The following ROCK1 variants were observed in gnomAD, a reference collection of about 807,000 sequenced individuals.
ROCK1 encodes rho-associated protein kinase 1.
Under a neutral mutation model 196.8 loss-of-function variants are expected in ROCK1, and 36 were observed. The observed-to-expected ratio is 0.18, with a 90% CI of 0.14 to 0.24. The LOEUF (loss-of-function observed/expected upper bound fraction) is 0.24. Among genes scored for constraint, ROCK1 ranks in the 10% least tolerant of loss-of-function variants. The probability of loss-of-function intolerance (pLI) is 1.00; values close to 1 mark genes in which losing one functional copy is unlikely to be tolerated. For missense variants in ROCK1, 920 were observed against 1,562.0 expected, an observed-to-expected ratio of 0.59 and a Z score of 6.93; for synonymous variants, 443 against 515.9, an observed-to-expected ratio of 0.86 and a Z score of 1.91.
intron 8 of ROCK1, 96 bp from the exon 9 acceptor site, chr18:21,039,659 GGAC>G: frequency 1.2e-6 from 1 of 812,252 alleles, no homozygotes; most frequent in South Asian, 1.5e-5. Context: ...AATCAGTGTA[GGAC>G]GACAAATATA....
intron 16 of ROCK1, among the ~76,000 whole-genome samples, chr18:20,995,549 G>A (rs1362679667): frequency 6.6e-6 from 1 of 152,136 alleles, no homozygotes; most frequent in East Asian, 1.9e-4. Flanking sequence ...CTGGGCCAGA[G>A]AGGAGCCCAC....
At chr18:21,047,721 G>C (rs775969572) in intron 4 of ROCK1, among the ~76,000 whole-genome samples, 7 of 152,004 alleles carry the variant, frequency 4.6e-5, no homozygotes, top group Non-Finnish European at 8.8e-5. Context: ...GTGAACTCAG[G>C]GGGCAGAGCT....
At chr18:20,994,591 A>T (rs912186963) in intron 16 of ROCK1, among the ~76,000 whole-genome samples, 9 of 152,174 alleles carry the variant, frequency 5.9e-5, no homozygotes, top group African/African-American at 1.2e-4. Context: ...AAATCATTTT[A>T]AAAAATCTGT....
At chr18:21,109,917 C>T (rs1194082070) in intron 1 of ROCK1, among the ~76,000 whole-genome samples, 1 of 151,918 alleles carries the variant, frequency 6.6e-6, no homozygotes, top group Non-Finnish European at 1.5e-5. Context: ...ATACATGCTC[C>T]CTGAAACCTT....
At chr18:20,962,844 C>T (rs1215516235) in intron 27 of ROCK1, among the ~76,000 whole-genome samples, 1 of 152,094 alleles carries the variant, frequency 6.6e-6, no homozygotes, top group African/African-American at 2.4e-5. Flanking sequence ...AGAGAAGCAA[C>T]TGAACTAAGC....
At chr18:20,959,033 T>A (rs1216830335) in intron 29 of ROCK1, among the ~76,000 whole-genome samples, 9 of 57,502 alleles carry the variant, frequency 1.6e-4, no homozygotes, top group South Asian at 1.1e-3. Context: ...ATATATATAT[T>A]TTATATAATA....
At chr18:21,097,909 T>A (rs1433036189) in intron 1 of ROCK1, among the ~76,000 whole-genome samples, 11 of 152,226 alleles carry the variant, frequency 7.2e-5, no homozygotes, top group Non-Finnish European at 1.5e-4. Flanking sequence ...CCAGTCTGAC[T>A]CCAGAATTCA....
chr18:21,070,109 AT>A (rs1478443037), intron 2 of ROCK1, among the ~76,000 whole-genome samples: 1 of 152,082 alleles, frequency 6.6e-6, no homozygotes, highest in Non-Finnish European at 1.5e-5. Context: ...AATCTTATCA[AT>A]TCTTTAAGAT....
chr18:21,082,556 C>T (rs7244278), intron 1 of ROCK1, among the ~76,000 whole-genome samples: 30,146 of 152,110 alleles, frequency 0.2, 6,620 homozygotes, highest in African/African-American at 0.54. Flanking sequence ...TAATCTACCA[C>T]ATTAATAGAA....
chr18:21,013,760 T>C (rs114947954), intron 13 of ROCK1, among the ~76,000 whole-genome samples: 1,541 of 152,208 alleles, frequency 0.01, 19 homozygotes, highest in African/African-American at 0.036. Flanking sequence ...CAGCCTTTGC[T>C]GTTAAGAATG....
intron 1 of ROCK1, among the ~76,000 whole-genome samples, chr18:21,074,110 A>C (rs2036410265): frequency 6.6e-6 from 1 of 152,152 alleles, no homozygotes; most frequent in African/African-American, 2.4e-5. Context: ...GTAATCTATG[A>C]TTTTGCCACT....
At chr18:21,018,877 A>G (rs1415930632) in intron 12 of ROCK1, among the ~76,000 whole-genome samples, 1 of 152,186 alleles carries the variant, frequency 6.6e-6, no homozygotes, top group African/African-American at 2.4e-5. Flanking sequence ...CTAAAAACAT[A>G]AATAATTATA....
At chr18:21,012,193 T>G (rs1312564425) in intron 13 of ROCK1, among the ~76,000 whole-genome samples, 1 of 152,124 alleles carries the variant, frequency 6.6e-6, no homozygotes. Context: ...TCAAGTGATC[T>G]GCTCGCCTCA....
At chr18:21,087,016 T>C (rs748368569) in intron 1 of ROCK1, among the ~76,000 whole-genome samples, 29 of 152,156 alleles carry the variant, frequency 1.9e-4, no homozygotes, top group Non-Finnish European at 3.2e-4. Flanking sequence ...TAAGAAGATA[T>C]TAAACATGAA....
chr18:20,984,891 A>G (rs983723671), intron 19 of ROCK1, among the ~76,000 whole-genome samples: 6 of 152,106 alleles, frequency 3.9e-5, no homozygotes, highest in African/African-American at 1.4e-4. Flanking sequence ...AGGCAGGTGG[A>G]TTGCTTGAAC....
chr18:20,988,407 G>C (rs1011673898), intron 18 of ROCK1, among the ~76,000 whole-genome samples: 1 of 151,828 alleles, frequency 6.6e-6, no homozygotes, highest in Non-Finnish European at 1.5e-5. Flanking sequence ...TCTATACCTC[G>C]ACTTCTTTCC....
intron 1 of ROCK1, among the ~76,000 whole-genome samples, chr18:21,110,385 A>G (rs967852063): frequency 1.3e-5 from 2 of 152,204 alleles, no homozygotes; most frequent in African/African-American, 4.8e-5. Flanking sequence ...GCTAAAAACT[A>G]AACCCCTAGG....
At chr18:20,999,834 C>T (rs1284892624) in intron 16 of ROCK1, among the ~76,000 whole-genome samples, 2 of 152,022 alleles carry the variant, frequency 1.3e-5, no homozygotes, top group African/African-American at 2.4e-5. Context: ...CCATGTTGCT[C>T]GGGGGGGTCT....
At chr18:20,986,918 TA>T (rs772612693) in intron 19 of ROCK1, 31 bp downstream of exon 19, 1 of 1,543,722 alleles carries the variant, frequency 6.5e-7, no homozygotes, top group East Asian at 2.3e-5. Context: ...TCTCTTTTAA[TA>T]GATGAACAAA....
Sources: allele counts gnomAD v4.1 joint callset (sites outside exome capture counted in the v4.1 genomes callset), GRCh38; gene constraint gnomAD v4.1.1; transcripts MANE v1.5; gene names NCBI Gene and HGNC (gene_info 2026-07-23, HGNC 2026-07-21).